SLC12A3: variants seen among roughly 807,000 people sequenced by gnomAD.
The protein encoded by SLC12A3 is solute carrier family 12 member 3, also known as Na-Cl cotransporter.
SLC12A3 carries 104 observed loss-of-function variants against 121.0 expected under a neutral mutation model. The ratio of observed to expected loss-of-function variants is 0.86; its 90% confidence interval spans 0.73 to 1.01. The LOEUF is 1.01. Among genes scored for constraint, SLC12A3 ranks in the 50% least tolerant of loss-of-function variants. SLC12A3 has a pLI of 0.00. For synonymous variants in SLC12A3, 536 were observed against 533.4 expected (o/e 1.00, Z -0.07); for missense variants, 1,328 against 1,356.3 (o/e 0.98, Z 0.33).
intron 19 of SLC12A3, among the ~76,000 whole-genome samples, chr16:56,891,283 G>C (rs553690689): frequency 2.0e-5 from 3 of 147,768 alleles, no homozygotes; most frequent in African/African-American, 7.5e-5. Context: ...GAGATGGGAG[G>C]ATCGCTTGAG....
chr16:56,870,780 G>A, intron 6 of SLC12A3, 44 bp downstream of exon 6: 1 of 1,245,056 alleles, frequency 8.0e-7, no homozygotes, highest in Non-Finnish European at 1.2e-6. Flanking sequence ...TGGTCACGTG[G>A]AGAAGCGGGG....
At chr16:56,896,724 G>A (rs1331559364) in intron 22 of SLC12A3, among the ~76,000 whole-genome samples, 1 of 152,208 alleles carries the variant, frequency 6.6e-6, no homozygotes, top group African/African-American at 2.4e-5. Context: ...TCTAGCCTGG[G>A]TGAAAGAACA....
At chr16:56,903,689 G>C (rs2055569289) in intron 24 of SLC12A3, among the ~76,000 whole-genome samples, 1 of 152,192 alleles carries the variant, frequency 6.6e-6, no homozygotes, top group Non-Finnish European at 1.5e-5. Context: ...CAGTTCCTGA[G>C]TGTCAATCAT....
intron 6 of SLC12A3, among the ~76,000 whole-genome samples, chr16:56,872,116 C>T (rs990740647): frequency 1.3e-5 from 2 of 152,210 alleles, no homozygotes; most frequent in Non-Finnish European, 2.9e-5. Context: ...CCTCCCAAAC[C>T]TCTTCTTACT....
chr16:56,884,227 C>T (rs750878577), intron 14 of SLC12A3, 23 bp downstream of exon 14: 6 of 1,613,148 alleles, frequency 3.7e-6, no homozygotes, highest in Non-Finnish European at 2.5e-6. Context: ...GCTGCGGGGC[C>T]TCGGCCCTCC....
At chr16:56,898,509 C>T (rs1032607107) in intron 22 of SLC12A3, among the ~76,000 whole-genome samples, 2 of 152,146 alleles carry the variant, frequency 1.3e-5, no homozygotes, top group African/African-American at 4.8e-5. Context: ...CCACCTGCCT[C>T]GGCCTCTCAA....
At chr16:56,902,958 C>G (rs1008055327) in intron 24 of SLC12A3, among the ~76,000 whole-genome samples, 2 of 152,054 alleles carry the variant, frequency 1.3e-5, no homozygotes, top group Non-Finnish European at 2.9e-5. Context: ...CCAGCCTGAC[C>G]AACATGGTGA....
chr16:56,869,979 C>T (rs2055069701), intron 4 of SLC12A3, 117 bp from the exon 5 acceptor site: 1 of 1,415,384 alleles, frequency 7.1e-7, no homozygotes, highest in Non-Finnish European at 9.9e-7. Flanking sequence ...GAGATGGCCT[C>T]AGCTATCTCC....
In SLC12A3 at chr16:56,872,767, A is replaced by G. The variant is rs745709495; in HGVS notation, c.1076A>G (p.Asn359Ser). ...PSATGILAGA[N>S]ISGDLKDPAI... ...GCCACAGGCATCCTGGCAGGGGCCA[A>G]CATATCTGGTGACCTCAAGGTGAGC... The change falls in exon 8 of 26, where the codon AAC (asparagine) becomes AGC (serine). Residue 359 changes from asparagine to serine, a missense_variant. By Grantham distance (46) the Asn-to-Ser change is conservative. Transcript: ENST00000563236. 4 of 1,614,244 alleles carry G rather than the reference A, an allele frequency of 2.5e-6. No homozygotes were observed. The South Asian group carries it at 4.4e-5, about 18-fold the overall frequency.
At chr16:56,872,842 GA>G in intron 8 of SLC12A3, 56 bp downstream of exon 8, 1 of 1,610,226 alleles carries the variant, frequency 6.2e-7, no homozygotes, top group Non-Finnish European at 8.5e-7. Flanking sequence ...GCTATGAGCA[GA>G]ATCCTGCCCC....
At chr16:56,887,394 A>G (rs1375690632) in intron 17 of SLC12A3, among the ~76,000 whole-genome samples, 3 of 151,810 alleles carry the variant, frequency 2.0e-5, no homozygotes, top group African/African-American at 7.3e-5. Context: ...TTTAGTAGAG[A>G]CGGGGTTTCA....
intron 25 of SLC12A3, among the ~76,000 whole-genome samples, chr16:56,911,983 C>T (rs1328379768): frequency 1.3e-5 from 2 of 152,256 alleles, no homozygotes; most frequent in African/African-American, 2.4e-5. Flanking sequence ...GGAAGAGAAA[C>T]TCTGCAAAGG....
intron 25 of SLC12A3, chr16:56,906,567 G>A: frequency 3.8e-6 from 1 of 260,558 alleles, no homozygotes; most frequent in Non-Finnish European, 7.3e-6. Flanking sequence ...AACTAGGAAG[G>A]TCGTGACCAA....
chr16:56,883,374 G>T (rs185862677), intron 13 of SLC12A3, among the ~76,000 whole-genome samples: 1 of 144,586 alleles, frequency 6.9e-6, no homozygotes, highest in Non-Finnish European at 1.5e-5. Flanking sequence ...TCCACCTCCC[G>T]GGTTCATGCC....
chr16:56,894,863 A>C (rs1175687239), intron 22 of SLC12A3, among the ~76,000 whole-genome samples: 1 of 152,164 alleles, frequency 6.6e-6, no homozygotes, highest in Non-Finnish European at 1.5e-5. Flanking sequence ...TGCCCCCTTC[A>C]ATAAATGCAG....
Position 56,904,410 on chromosome 16 carries a change from A to G in SLC12A3, c.2872A>G (p.Arg958Gly), listed in dbSNP as rs773428143. ...KNRVKSLRQVRLNEIVLDYSR... is the reference protein window; with the variant it reads ...KNRVKSLRQVGLNEIVLDYSR... Reference sequence around the variant, plus strand: ...TCCCGCCCAGTCCCTTCGGCAGGTGAGGCTGAATGAGATTGTGCTGGATTA... The same window carrying G: ...TCCCGCCCAGTCCCTTCGGCAGGTGGGGCTGAATGAGATTGTGCTGGATTA... Residue 958 changes from arginine (R) to glycine (G), a missense_variant, in exon 25 of 26, where the codon AGG becomes GGG. Physicochemically the swap from Arg to Gly is moderately radical, Grantham distance 125 (BLOSUM62 -2). Coordinates refer to ENST00000563236, the MANE Select transcript of SLC12A3 (RefSeq NM_001126108.2). 5.6e-6 allele frequency: 9 copies of G among 1,613,840 alleles called. No individual in the cohort carries two copies. Among genetic ancestry groups the G allele is most frequent in the Non-Finnish European group, 7.6e-6 (9 of 1,179,832 alleles).
intron 25 of SLC12A3, among the ~76,000 whole-genome samples, chr16:56,907,926 AG>A (rs2055629004): frequency 6.6e-6 from 1 of 152,196 alleles, no homozygotes; most frequent in Non-Finnish European, 1.5e-5. Flanking sequence ...CCTATGTGCC[AG>A]TAGACAGTAG....
chr16:56,877,812 C>G (rs1489037883), intron 8 of SLC12A3, among the ~76,000 whole-genome samples: 1 of 152,230 alleles, frequency 6.6e-6, no homozygotes. Flanking sequence ...TCTCTGCCTC[C>G]ATTTCCCAGG....
chr16:56,877,263 G>A (rs2055175517), intron 8 of SLC12A3, among the ~76,000 whole-genome samples: 1 of 152,030 alleles, frequency 6.6e-6, no homozygotes, highest in Non-Finnish European at 1.5e-5. Context: ...TATAGTGGTG[G>A]TACATGCCTG....
Sources: gnomAD v4.1 joint callset for allele counts (sites outside exome capture counted in the v4.1 genomes callset) on GRCh38, gnomAD v4.1.1 for gene constraint, MANE v1.5 for transcripts, NCBI Gene and HGNC (gene_info 2026-07-23, HGNC 2026-07-21) for gene names.